Variants in ADGRL2 observed in about 807,000 individuals in gnomAD.
The protein encoded by ADGRL2 is adhesion G protein-coupled receptor L2.
ADGRL2 carries 44 observed loss-of-function variants against 157.4 expected under a neutral mutation model. The ratio of observed to expected loss-of-function variants is 0.28; its 90% CI spans 0.22 to 0.36. The LOEUF (loss-of-function observed/expected upper bound fraction) is 0.36, where lower values mean the gene tolerates loss of function less well. Ranked by LOEUF, ADGRL2 falls within the 10% of genes least tolerant of loss-of-function variation. The probability of loss-of-function intolerance (pLI) is 1.00; values close to 1 mark genes in which losing one functional copy is unlikely to be tolerated. For synonymous variants in ADGRL2, 585 were observed against 624.7 expected, an observed-to-expected ratio of 0.94 and a Z score of 0.95; for missense variants, 1,510 against 1,768.9, an observed-to-expected ratio of 0.85 and a Z score of 2.63.
intron 1 of ADGRL2, among the ~76,000 whole-genome samples, chr1:81,805,355 C>A (rs78346784): frequency 0.037 from 5,642 of 151,962 alleles, 151 homozygotes; most frequent in Non-Finnish European, 0.058. Flanking sequence ...AAACTTAATT[C>A]TAAGATGGAA....
At chr1:81,840,329 G>A (rs995020644) in intron 2 of ADGRL2, among the ~76,000 whole-genome samples, 1 of 151,962 alleles carries the variant, frequency 6.6e-6, no homozygotes, top group African/African-American at 2.4e-5. Flanking sequence ...CATGGGTTAT[G>A]CCTTTCCTTT....
intron 1 of ADGRL2, among the ~76,000 whole-genome samples, chr1:81,363,776 T>C (rs2076018830): frequency 6.6e-6 from 1 of 152,090 alleles, no homozygotes; most frequent in Admixed American, 6.6e-5. Context: ...TTGCAGAAAA[T>C]ATCTGAAAAC....
chr1:81,405,889 C>G (rs1192143722), intron 1 of ADGRL2, among the ~76,000 whole-genome samples: 7 of 151,864 alleles, frequency 4.6e-5, no homozygotes, highest in Admixed American at 1.3e-4. Flanking sequence ...TTTTAAAATC[C>G]AATAAAGTGT....
At position 81,986,958 on chromosome 1, in the gene ADGRL2, AC is replaced by A; in HGVS notation, c.3570del (p.Tyr1191IlefsTer32). ...CTTCTTCGACCCCACGGCACTAACA[AC>A]CCCTATAACACATTGCTCGCTGAAA... ...NPLLRPHGTN[N>X]PYNTLLAETV... On this transcript the variant is annotated frameshift_variant, in exon 22 of 24. Coordinates refer to ENST00000686636, the MANE Select transcript of ADGRL2 (RefSeq NM_001366006.2). LOFTEE classifies it high-confidence loss of function. 6.2e-7 allele frequency: 1 copy of A among 1,611,190 alleles called. No individual in the cohort carries two copies. Among genetic ancestry groups the A allele is most frequent in the Non-Finnish European group, 8.5e-7 (1 of 1,179,128 alleles).
chr1:81,983,413 T>C (rs1023323129), intron 19 of ADGRL2, among the ~76,000 whole-genome samples: 4 of 151,988 alleles, frequency 2.6e-5, no homozygotes, highest in African/African-American at 9.7e-5. Flanking sequence ...TGTTATTTGT[T>C]CTAATAGGTA....
chr1:81,567,293 A>G (rs2080584244), intron 2 of ADGRL2, among the ~76,000 whole-genome samples: 1 of 152,136 alleles, frequency 6.6e-6, no homozygotes, highest in South Asian at 2.1e-4. Flanking sequence ...CAGTCACACT[A>G]GCCACATTTC....
In ADGRL2 at chr1:81,427,357, C is replaced by T. The variant is rs367899175; in HGVS notation, c.-301-17679C>T. The T allele has an allele frequency of 1.7e-4, 125 of 728,778 alleles. 1 individual carries two copies. The highest frequency in any genetic ancestry group is 6.4e-4 in the East Asian group (26 of 40,802). 45.1% of individuals were successfully genotyped at this position (728,778 alleles called of 1,614,324 possible). On this transcript the variant is annotated intron_variant, in intron 1 of 24. Transcript: ENST00000370721. Reference sequence around the variant, plus strand: ...GTAGTAGAGGGGGCTATGGTGGTGGCGGACCAGGATATGGAAACCAAGGTG... The same window carrying T: ...GTAGTAGAGGGGGCTATGGTGGTGGTGGACCAGGATATGGAAACCAAGGTG...
intron 3 of ADGRL2, among the ~76,000 whole-genome samples, chr1:81,651,974 G>A (rs1438418915): frequency 6.6e-6 from 1 of 151,974 alleles, no homozygotes; most frequent in Non-Finnish European, 1.5e-5. Context: ...CCCAAAGTGT[G>A]AGGATTACAG....
At chr1:81,411,848 C>T (rs1405607728) in intron 1 of ADGRL2, among the ~76,000 whole-genome samples, 3 of 150,394 alleles carry the variant, frequency 2.0e-5, no homozygotes, top group Non-Finnish European at 4.4e-5. Flanking sequence ...CCACTGCACT[C>T]CAGCCTGGGC....
At chr1:81,745,730 T>C (rs549078743) in intron 1 of ADGRL2, among the ~76,000 whole-genome samples, 40 of 152,292 alleles carry the variant, frequency 2.6e-4, no homozygotes, top group Non-Finnish European at 4.1e-4. Context: ...CCCTGCAATA[T>C]AATGCTTTGT....
intron 2 of ADGRL2, among the ~76,000 whole-genome samples, chr1:81,485,694 T>C (rs1023041827): frequency 2.6e-5 from 4 of 152,196 alleles, no homozygotes; most frequent in African/African-American, 9.7e-5. Context: ...GTGACCTTTC[T>C]GCATTAGGAA....
At chr1:81,390,546 A>G (rs1474148938) in intron 1 of ADGRL2, among the ~76,000 whole-genome samples, 1 of 148,806 alleles carries the variant, frequency 6.7e-6, no homozygotes, top group South Asian at 2.1e-4. Context: ...AGCATGATAG[A>G]TAATAATGTG....
intron 1 of ADGRL2, among the ~76,000 whole-genome samples, chr1:81,416,947 T>C (rs917761514): frequency 6.6e-6 from 1 of 152,190 alleles, no homozygotes; most frequent in African/African-American, 2.4e-5. Flanking sequence ...ATCCCAAGAA[T>C]TTACAGCATT....
At chr1:81,419,009 G>A (rs537916455) in intron 1 of ADGRL2, among the ~76,000 whole-genome samples, 1 of 152,208 alleles carries the variant, frequency 6.6e-6, no homozygotes, top group South Asian at 2.1e-4. Flanking sequence ...CAAATGATGA[G>A]GAGGCTAAGA....
At chr1:81,659,988 C>A (rs2082619330) in intron 3 of ADGRL2, among the ~76,000 whole-genome samples, 1 of 152,146 alleles carries the variant, frequency 6.6e-6, no homozygotes, top group Admixed American at 6.5e-5. Context: ...CTATCGCCCC[C>A]CAAATGCCAA....
intron 2 of ADGRL2, among the ~76,000 whole-genome samples, chr1:81,903,029 G>C (rs1375694456): frequency 6.6e-6 from 1 of 152,182 alleles, no homozygotes; most frequent in African/African-American, 2.4e-5. Flanking sequence ...ATGTGTACTT[G>C]ATTAAAAGGA....
chr1:81,927,058 ATATT>A (rs1310665780), intron 3 of ADGRL2, among the ~76,000 whole-genome samples: 1 of 152,068 alleles, frequency 6.6e-6, no homozygotes, highest in East Asian at 1.9e-4. Context: ...AATGAACTAA[ATATT>A]AAAGTATGCA....
At chr1:81,591,717 A>G (rs2081136814) in intron 3 of ADGRL2, among the ~76,000 whole-genome samples, 1 of 152,154 alleles carries the variant, frequency 6.6e-6, no homozygotes, top group African/African-American at 2.4e-5. Context: ...CCTTCTTGCT[A>G]CCAGAATCCC....
chr1:81,626,415 C>T (rs2081910467), intron 3 of ADGRL2, among the ~76,000 whole-genome samples: 1 of 152,188 alleles, frequency 6.6e-6, no homozygotes, highest in African/African-American at 2.4e-5. Flanking sequence ...AAGCAGTCCT[C>T]CCACCTCAGC....
Sources: allele counts gnomAD v4.1 joint callset (sites outside exome capture counted in the v4.1 genomes callset), GRCh38; gene constraint gnomAD v4.1.1; transcripts MANE v1.5; gene names NCBI Gene and HGNC (gene_info 2026-07-23, HGNC 2026-07-21).